Variants in GP2 observed in about 807,000 individuals in gnomAD.
GP2 encodes glycoprotein 2.
Under a neutral mutation model 60.8 loss-of-function variants are expected in GP2, and 58 were observed. The ratio of observed to expected loss-of-function variants is 0.95; its 90% CI spans 0.77 to 1.19. The LOEUF (loss-of-function observed/expected upper bound fraction) is 1.19. Ranked by LOEUF, GP2 falls within the 50% of genes most tolerant of loss-of-function variation. The pLI is 0.00. For synonymous variants in GP2, 280 were observed against 253.4 expected (o/e 1.10, Z -1.00); for missense variants, 647 against 667.4 (o/e 0.97, Z 0.34).
At chr16:20,315,297 A>G (rs996474282) in intron 9 of GP2, among the ~76,000 whole-genome samples, 16 of 152,228 alleles carry the variant, frequency 1.1e-4, no homozygotes, top group Admixed American at 9.8e-4. Flanking sequence ...ACATTACTGC[A>G]TCTTAATTCC....
chr16:20,321,898 A>G (rs1303152908), intron 4 of GP2, among the ~76,000 whole-genome samples: 5 of 152,206 alleles, frequency 3.3e-5, no homozygotes, highest in African/African-American at 9.6e-5. Context: ...CTTGGAGCCC[A>G]TCCAGGTACA....
chr16:20,320,230 C>T (rs767038638), intron 5 of GP2, 32 bp downstream of exon 5: 58 of 1,494,230 alleles, frequency 3.9e-5, no homozygotes, highest in Non-Finnish European at 5.1e-5. Flanking sequence ...CAACACATAC[C>T]TTCTGGCAGC....
chr16:20,314,695 T>G lies in GP2; in HGVS notation c.1508A>C (p.Gln503Pro). ...GGTTCCATTCATGACACCGGGAGAC[T>G]GTGCACCTGTGAACAAGAACAGAAG... Reference protein sequence around the residue: ...DLGPITRRGAQSPGVMNGTPS... With the variant: ...DLGPITRRGAPSPGVMNGTPS... Residue 503 changes from glutamine (Q) to proline (P), a missense_variant, in exon 10 of 11, where the codon CAG becomes CCG. Coordinates refer to ENST00000302555, the MANE Select transcript of GP2 (RefSeq NM_001502.4). 5 of 1,603,302 alleles carry G rather than the reference T, an allele frequency of 3.1e-6. No homozygotes were observed. Among genetic ancestry groups the G allele is most frequent in the Middle Eastern group, 1.7e-4 (1 of 6,038 alleles).
At chr16:20,314,856 G>A (rs759287330) in intron 9 of GP2, among the ~76,000 whole-genome samples, 155 bp from the exon 10 acceptor site, 3 of 152,138 alleles carry the variant, frequency 2.0e-5, no homozygotes, top group Non-Finnish European at 4.4e-5. Flanking sequence ...TCTGGCACAG[G>A]CACCTTTCTA....
chr16:20,323,363 T>C (rs1964425563), intron 3 of GP2: 2 of 718,178 alleles, frequency 2.8e-6, no homozygotes, highest in Non-Finnish European at 5.2e-6. Flanking sequence ...CTAACTGGGG[T>C]AATTAGGTAG....
At chr16:20,325,004 G>A (rs1217384928) in intron 2 of GP2, among the ~76,000 whole-genome samples, 1 of 152,196 alleles carries the variant, frequency 6.6e-6, no homozygotes, top group Non-Finnish European at 1.5e-5. Context: ...GTCTTCTTGG[G>A]GGGCATCGCC....
intron 6 of GP2, 139 bp downstream of exon 6, chr16:20,319,481 G>T (rs1964280020): frequency 1.5e-6 from 1 of 651,572 alleles, no homozygotes; most frequent in African/African-American, 1.8e-5. Flanking sequence ...ATGAATACTT[G>T]TGGAATGAAT....
intron 3 of GP2, 33 bp downstream of exon 3, chr16:20,323,783 T>C: frequency 7.0e-7 from 1 of 1,431,620 alleles, no homozygotes; most frequent in South Asian, 1.3e-5. Context: ...TCATTGGCTG[T>C]GTAGCTGCCT....
At chr16:20,324,988 C>T (rs1431450049) in intron 2 of GP2, among the ~76,000 whole-genome samples, 2 of 152,246 alleles carry the variant, frequency 1.3e-5, no homozygotes, top group Admixed American at 6.5e-5. Context: ...CCAGGCATTG[C>T]CAAATGTCTT....
Position 20,315,998 on chromosome 16 carries a change from C to G in GP2, c.1459G>C (p.Asp487His). 1 of 1,613,406 alleles carries G rather than the reference C, an allele frequency of 6.2e-7. No homozygotes were observed. Among genetic ancestry groups the G allele is most frequent in the East Asian group, 2.2e-5 (1 of 44,868 alleles). The change falls in exon 9 of 11, where the codon GAC becomes CAC. Residue 487 changes from aspartate (D) to histidine (H), a missense_variant. Coordinates refer to ENST00000302555, the MANE Select transcript of GP2 (RefSeq NM_001502.4). ...CCCAAATCTAGAACCCGGGCTAGGT[C>G]GATGGCCGGTACTTCACTGCGGACT... ...SQVRSEVPAI[D>H]LARVLDLGPI...
chr16:20,316,163 T>C, intron 8 of GP2, 123 bp from the exon 9 acceptor site: 1 of 610,406 alleles, frequency 1.6e-6, no homozygotes, highest in African/African-American at 1.9e-5. Context: ...GCTATGGCCC[T>C]AATTCCGATG....
At position 20,318,226 on chromosome 16, in the gene GP2, T is replaced by G; in HGVS notation, c.1212A>C (p.Glu404Asp). 1 of 1,612,300 alleles carries G rather than the reference T, an allele frequency of 6.2e-7. No homozygotes were observed. The highest frequency in any genetic ancestry group is 8.5e-7 in the Non-Finnish European group (1 of 1,178,300). Reference sequence around the variant, plus strand: ...AATACTTCACAAGGTCAGCCTTGTCTTCAGTGGGGGTGGCATAGCAGTTCC... The same window carrying G: ...AATACTTCACAAGGTCAGCCTTGTCGTCAGTGGGGGTGGCATAGCAGTTCC... Reference protein sequence around the residue: ...VLRNCYATPTEDKADLVKYFI... With the variant: ...VLRNCYATPTDDKADLVKYFI... The change falls in exon 7 of 11, where the codon GAA (glutamate) becomes GAC (aspartate). Residue 404 changes from glutamate to aspartate, a missense_variant. By Grantham distance (45) the Glu-to-Asp change is conservative. Transcript: ENST00000302555.
rs72318258 is a variant in GP2 at position 20,317,643 on chromosome 16, CTT to C, written c.1254-270_1254-269del. On this transcript the variant is annotated intron_variant, in intron 7 of 10. Transcript: ENST00000302555. ...CTCATCCTTACTGAACCTTACTTTT[CTT>C]ATCTGTAAAGTGGAGACAGTAATAT... is the stretch of plus-strand genomic sequence containing the variant. Among the ~76,000 whole-genome samples the C allele has an allele frequency of 8.9e-3, 1,362 of 152,312 alleles. 11 individuals carry two copies. The highest frequency in any genetic ancestry group is 0.016 in the Non-Finnish European group (1,102 of 68,028).
chr16:20,321,851 G>C (rs1441397265), intron 4 of GP2, among the ~76,000 whole-genome samples: 1 of 152,160 alleles, frequency 6.6e-6, no homozygotes, highest in Non-Finnish European at 1.5e-5. Flanking sequence ...GAAGACTTGA[G>C]GCAGGCCACC....
intron 10 of GP2, 25 bp from the exon 11 acceptor site, chr16:20,311,306 C>A: frequency 6.7e-7 from 1 of 1,484,532 alleles, no homozygotes; most frequent in South Asian, 1.1e-5. Context: ...ATATGACTGT[C>A]AAGTGTTGGG....
chr16:20,318,545 A>G, intron 6 of GP2, 115 bp from the exon 7 acceptor site: 2 of 886,250 alleles, frequency 2.3e-6, no homozygotes, highest in Non-Finnish European at 3.6e-6. Context: ...CCTTAAGTGA[A>G]CTAGTCAATC....
chr16:20,320,593 C>T lies in GP2; in HGVS notation c.647-120G>A, dbSNP rs1964327684. ...TGTAGACTAGAAGGTCCCTGGGATC[C>T]AGATGGAATTCATGCCTAGGCTGGC... On this transcript the variant is annotated intron_variant, in intron 4 of 10. Transcript: ENST00000302555. 7.0e-6 allele frequency: 5 copies of T among 714,534 alleles called. 1 individual carries two copies. Among genetic ancestry groups the T allele is most frequent in the South Asian group, 3.5e-5 (2 of 56,540 alleles). 44.3% of individuals were successfully genotyped at this position (714,534 alleles called of 1,614,324 possible).
In GP2 at chr16:20,310,282, T is replaced by C. The variant is rs540199695; in HGVS notation, c.*941A>G. 4 of 152,202 alleles carry C rather than the reference T, an allele frequency of 2.6e-5. No individual in the cohort carries two copies. The highest frequency in any genetic ancestry group is 5.9e-5 in the Non-Finnish European group (4 of 68,046). The allele number at this position is 152,202 out of a possible 1,614,324, so 9.4% of individuals were successfully genotyped here. A position where few individuals can be genotyped will look rare whatever the true frequency, so the allele number is the denominator to read the frequency against. ...GTACTCCCTTGGGTGATGGAGTTTCTGCATCAAATTAAGTCATTCCTCCAG... is the reference window on the plus strand; with the variant it reads ...GTACTCCCTTGGGTGATGGAGTTTCCGCATCAAATTAAGTCATTCCTCCAG... On this transcript the variant is annotated 3_prime_UTR_variant, in exon 11 of 11. Coordinates refer to ENST00000302555, the MANE Select transcript of GP2 (RefSeq NM_001502.4).
chr16:20,311,746 T>A (rs953055424), intron 10 of GP2, among the ~76,000 whole-genome samples: 3 of 152,170 alleles, frequency 2.0e-5, no homozygotes, highest in African/African-American at 7.2e-5. Context: ...GGAGCAGAAC[T>A]GCATCCCCTC....
Sources: allele counts gnomAD v4.1 joint callset (sites outside exome capture counted in the v4.1 genomes callset), GRCh38; gene constraint gnomAD v4.1.1; transcripts MANE v1.5; gene names NCBI Gene and HGNC (gene_info 2026-07-23, HGNC 2026-07-21).